Variants in ARHGAP18 observed in about 807,000 individuals in gnomAD.
ARHGAP18 encodes rho GTPase-activating protein 18.
In ARHGAP18, 67 loss-of-function variants were observed where a neutral mutation model predicts 86.2. The ratio of observed to expected loss-of-function variants is 0.78; its 90% CI spans 0.64 to 0.95. ARHGAP18 has a LOEUF of 0.95. ARHGAP18 is among the 40% of genes least tolerant of loss of function. ARHGAP18 has a pLI of 0.00. For synonymous variants in ARHGAP18, 283 were observed against 280.4 expected (o/e 1.01, Z -0.09); for missense variants, 691 against 780.4 (o/e 0.89, Z 1.37).
chr6:129,691,764 C>T (rs543792765), intron 1 of ARHGAP18, among the ~76,000 whole-genome samples: 8 of 152,310 alleles, frequency 5.3e-5, no homozygotes, highest in Middle Eastern at 3.4e-3. Flanking sequence ...TCCTCACCCA[C>T]CCACTGCCCA....
chr6:129,611,342 A>G (rs1186115937), intron 8 of ARHGAP18, among the ~76,000 whole-genome samples, 191 bp downstream of exon 8: 2 of 152,262 alleles, frequency 1.3e-5, no homozygotes, highest in East Asian at 3.8e-4. Flanking sequence ...AAAACAAAAC[A>G]AAACAAAAAA....
At chr6:129,620,748 A>G (rs1224447211) in intron 5 of ARHGAP18, among the ~76,000 whole-genome samples, 1 of 152,244 alleles carries the variant, frequency 6.6e-6, no homozygotes, top group Non-Finnish European at 1.5e-5. Flanking sequence ...GGCAAAAGAC[A>G]TGTCCTAAAG....
chr6:129,584,127 T>C lies in ARHGAP18; in HGVS notation c.1714-15A>G, dbSNP rs1788344268. On this transcript the variant is annotated splice_polypyrimidine_tract_variant and intron_variant, in intron 12 of 14. Coordinates refer to ENST00000368149, the MANE Select transcript of ARHGAP18 (RefSeq NM_033515.3). ...GGAACGTCAGCCTGCAAAGCAATAA[T>C]GACACTGGAACAAAGCTGGCAGCAG... 3 of 1,613,298 alleles carry C rather than the reference T, an allele frequency of 1.9e-6. No homozygotes were observed. The African/African-American group carries it at 4.0e-5, about 22-fold the overall frequency.
chr6:129,696,775 C>A (rs1181255834), intron 1 of ARHGAP18, among the ~76,000 whole-genome samples: 1 of 152,146 alleles, frequency 6.6e-6, no homozygotes, highest in African/African-American at 2.4e-5. Flanking sequence ...TAAAGTCAAG[C>A]TCCAGGGTAA....
At chr6:129,670,718 C>G (rs370418217) in intron 1 of ARHGAP18, among the ~76,000 whole-genome samples, 1 of 150,772 alleles carries the variant, frequency 6.6e-6, no homozygotes, top group Admixed American at 6.6e-5. Flanking sequence ...TGCCTCCCCC[C>G]ACCAAGACTT....
chr6:129,683,264 G>A (rs1243301262), intron 1 of ARHGAP18, among the ~76,000 whole-genome samples: 1 of 151,608 alleles, frequency 6.6e-6, no homozygotes, highest in Non-Finnish European at 1.5e-5. Flanking sequence ...GTAGAGACCG[G>A]GTTTCACCAT....
intron 5 of ARHGAP18, among the ~76,000 whole-genome samples, chr6:129,623,768 G>A (rs572364465): frequency 8.9e-4 from 135 of 152,246 alleles, no homozygotes; most frequent in Non-Finnish European, 1.7e-3. Flanking sequence ...CTATAGATGA[G>A]TATATGCATA....
chr6:129,591,697 C>T (rs1244014491), intron 12 of ARHGAP18, among the ~76,000 whole-genome samples: 2 of 152,118 alleles, frequency 1.3e-5, no homozygotes, highest in African/African-American at 4.8e-5. Flanking sequence ...TAAAAGAGGT[C>T]TCTTTCTTTT....
chr6:129,619,135 C>A (rs1205219236), intron 5 of ARHGAP18, among the ~76,000 whole-genome samples: 1 of 141,962 alleles, frequency 7.0e-6, no homozygotes, highest in Non-Finnish European at 1.5e-5. Context: ...AGACAGTGAA[C>A]CAGGAGAAAA....
intron 7 of ARHGAP18, among the ~76,000 whole-genome samples, chr6:129,612,941 C>A (rs531823464): frequency 6.6e-6 from 1 of 152,160 alleles, no homozygotes; most frequent in East Asian, 1.9e-4. Context: ...TTTAAAAATT[C>A]ATCTGGAGTA....
chr6:129,690,255 C>G (rs906531569), intron 1 of ARHGAP18, among the ~76,000 whole-genome samples: 1 of 151,922 alleles, frequency 6.6e-6, no homozygotes, highest in Non-Finnish European at 1.5e-5. Flanking sequence ...AAAGTGTAAC[C>G]GTTCACAAAA....
intron 1 of ARHGAP18, among the ~76,000 whole-genome samples, chr6:129,688,317 G>A (rs541858462): frequency 3.3e-5 from 5 of 152,046 alleles, no homozygotes; most frequent in African/African-American, 9.7e-5. Context: ...GATGTAAGAC[G>A]TCATTCTTCT....
At chr6:129,644,543 TG>T (rs1773540966) in intron 1 of ARHGAP18, among the ~76,000 whole-genome samples, 3 of 149,878 alleles carry the variant, frequency 2.0e-5, no homozygotes, top group African/African-American at 7.7e-5. Context: ...CTTATCCTTT[TG>T]TTTTCTCTCT....
At chr6:129,660,967 C>T (rs1192067144) in intron 1 of ARHGAP18, among the ~76,000 whole-genome samples, 1 of 140,338 alleles carries the variant, frequency 7.1e-6, no homozygotes, top group Non-Finnish European at 1.5e-5. Context: ...ACATTAAAAA[C>T]GGAACCAAGA....
intron 10 of ARHGAP18, among the ~76,000 whole-genome samples, chr6:129,602,145 C>T (rs1788760222): frequency 6.6e-6 from 1 of 152,110 alleles, no homozygotes; most frequent in African/African-American, 2.4e-5. Flanking sequence ...TCTAGAACAA[C>T]AGTAACTATA....
chr6:129,664,002 T>C (rs13203844), intron 1 of ARHGAP18, among the ~76,000 whole-genome samples: 76,015 of 152,186 alleles, frequency 0.5, 19,630 homozygotes, highest in African/African-American at 0.63. Context: ...GCAGCAGGTG[T>C]GGTGGGGCTG....
intron 1 of ARHGAP18, among the ~76,000 whole-genome samples, chr6:129,670,325 T>TG (rs1486153147): frequency 2.0e-5 from 3 of 152,342 alleles, no homozygotes; most frequent in African/African-American, 7.2e-5. Context: ...CTTTCTTATA[T>TG]GGTAGGTGTC....
At chr6:129,668,461 C>G (rs181757845) in intron 1 of ARHGAP18, among the ~76,000 whole-genome samples, 100 of 151,940 alleles carry the variant, frequency 6.6e-4, no homozygotes, top group Middle Eastern at 3.4e-3. Context: ...TCCAAAATCT[C>G]TTTTAAATCT....
chr6:129,695,378 A>G (rs997889445), intron 1 of ARHGAP18, among the ~76,000 whole-genome samples: 14 of 142,754 alleles, frequency 9.8e-5, no homozygotes, highest in Non-Finnish European at 1.4e-4. Context: ...CCAACACACA[A>G]TTTTGAAACA....
Sources: gnomAD v4.1 joint callset for allele counts (sites outside exome capture counted in the v4.1 genomes callset) on GRCh38, gnomAD v4.1.1 for gene constraint, MANE v1.5 for transcripts, NCBI Gene and HGNC (gene_info 2026-07-23, HGNC 2026-07-21) for gene names.